SYNPR: variants seen among roughly 807,000 people sequenced by gnomAD.
The protein encoded by SYNPR is synaptoporin.
Under a neutral mutation model 32.9 loss-of-function variants are expected in SYNPR, and 23 were observed. The observed-to-expected ratio is 0.70, with a 90% CI of 0.50 to 0.99. SYNPR has a LOEUF of 0.99. Ranked by LOEUF, SYNPR falls within the 50% of genes least tolerant of loss-of-function variation. The pLI is 0.00. For missense variants in SYNPR, 318 were observed against 349.3 expected (o/e 0.91, Z 0.71); for synonymous variants, 146 against 135.9 (o/e 1.07, Z -0.52).
In SYNPR at chr3:63,493,815, C is replaced by CAAAAAAAAAAAAA. The variant is rs3083190; in HGVS notation, c.209+12869_209+12881dup. ...TGGGTAACAGTGCAAGACTCTGTCT[C>CAAAAAAAAAAAAA]AAAAAAAAAAAAAAAAAAAAAATGG... On this transcript the variant is annotated intron_variant, in intron 3 of 5. Transcript: ENST00000478300. 2.7e-5 allele frequency among the ~76,000 whole-genome samples: 2 copies of CAAAAAAAAAAAAA among 75,094 alleles called. 1 individual carries two copies. The highest frequency in any genetic ancestry group is 1.1e-4 in the African/African-American group (2 of 18,176). 49.3% of individuals were successfully genotyped at this position (75,094 alleles called of 152,430 possible).
intron 2 of SYNPR, among the ~76,000 whole-genome samples, chr3:63,344,025 C>A (rs529531991): frequency 6.6e-6 from 1 of 152,214 alleles, no homozygotes; most frequent in East Asian, 1.9e-4. Flanking sequence ...CTCTCAGCCT[C>A]GCTCATATGC....
At chr3:63,337,732 C>T (rs2087313331) in intron 2 of SYNPR, among the ~76,000 whole-genome samples, 3 of 152,104 alleles carry the variant, frequency 2.0e-5, no homozygotes. Context: ...ATCTTAAGTG[C>T]ATGTTACTGA....
chr3:63,357,985 A>C (rs1343779088), intron 2 of SYNPR, among the ~76,000 whole-genome samples: 1 of 152,204 alleles, frequency 6.6e-6, no homozygotes, highest in Non-Finnish European at 1.5e-5. Flanking sequence ...CTTTTCTTGC[A>C]AATAAACAGA....
chr3:63,616,744 T>C lies in SYNPR; in HGVS notation c.*1263T>C, dbSNP rs1700283524. ...ATAGAGAGGGCAAGCTGAGCATCTG[T>C]ATTTCCAGATAAAAGTTGTTATTGA... On this transcript the variant is annotated 3_prime_UTR_variant, in exon 6 of 6. Coordinates refer to ENST00000478300, the MANE Select transcript of SYNPR (RefSeq NM_001130003.2). The C allele has an allele frequency of 6.6e-6, 1 of 152,634 alleles. No individual in the cohort carries two copies. Among genetic ancestry groups the C allele is most frequent in the South Asian group, 2.1e-4 (1 of 4,832 alleles). 9.5% of individuals were successfully genotyped at this position (152,634 alleles called of 1,614,324 possible).
At chr3:63,257,846 T>C (rs570781666) in intron 2 of SYNPR, among the ~76,000 whole-genome samples, 96 of 152,172 alleles carry the variant, frequency 6.3e-4, no homozygotes, top group Middle Eastern at 3.4e-3. Flanking sequence ...GAGACACACA[T>C]AGGCTTAAAA....
At chr3:63,269,379 C>T (rs900178687) in intron 3 of SYNPR, among the ~76,000 whole-genome samples, 1 of 151,948 alleles carries the variant, frequency 6.6e-6, no homozygotes, top group Non-Finnish European at 1.5e-5. Context: ...ATCCCAGCTA[C>T]TTGGGAGGCT....
chr3:63,407,225 C>T (rs1305098943), intron 2 of SYNPR, among the ~76,000 whole-genome samples: 3 of 152,142 alleles, frequency 2.0e-5, no homozygotes, highest in African/African-American at 7.2e-5. Context: ...CAGCATAGAC[C>T]AGGATTGGCT....
At chr3:63,503,200 C>T (rs6763684) in intron 3 of SYNPR, among the ~76,000 whole-genome samples, 31,963 of 151,898 alleles carry the variant, frequency 0.21, 3,710 homozygotes, top group African/African-American at 0.3. Context: ...TCTGATGACA[C>T]GTGATGTGGA....
At chr3:63,445,442 A>C in intron 2 of SYNPR, 1 of 621,012 alleles carries the variant, frequency 1.6e-6, no homozygotes. Context: ...TAACCAGAAA[A>C]TCTGTCATAA....
chr3:63,300,276 T>C (rs1209094490), intron 2 of SYNPR, among the ~76,000 whole-genome samples: 1 of 151,978 alleles, frequency 6.6e-6, no homozygotes, highest in East Asian at 1.9e-4. Context: ...GGGTCCCCTT[T>C]TCAAATACTG....
chr3:63,576,155 C>G (rs1193876842), intron 4 of SYNPR, among the ~76,000 whole-genome samples: 2 of 152,148 alleles, frequency 1.3e-5, no homozygotes. Context: ...CTCCTTGACA[C>G]AAGATCAGCA....
chr3:63,378,244 C>T (rs2087919246), intron 2 of SYNPR, among the ~76,000 whole-genome samples: 1 of 151,970 alleles, frequency 6.6e-6, no homozygotes, highest in East Asian at 1.9e-4. Flanking sequence ...ATTTCCTTCA[C>T]ATTTTCTCTC....
chr3:63,392,211 A>G (rs920572410), intron 2 of SYNPR, among the ~76,000 whole-genome samples: 4 of 152,210 alleles, frequency 2.6e-5, no homozygotes, highest in African/African-American at 9.7e-5. Flanking sequence ...TAGTATACTC[A>G]AAGTGGAATA....
At chr3:63,280,159 G>A (rs2086614835) in intron 2 of SYNPR, among the ~76,000 whole-genome samples, 1 of 152,098 alleles carries the variant, frequency 6.6e-6, no homozygotes, top group East Asian at 1.9e-4. Flanking sequence ...ATCTCTTATT[G>A]TCTCACACGC....
At chr3:63,418,778 C>A (rs2088573522) in intron 2 of SYNPR, among the ~76,000 whole-genome samples, 1 of 152,240 alleles carries the variant, frequency 6.6e-6, no homozygotes, top group Admixed American at 6.5e-5. Context: ...TCCCATGATT[C>A]AATTACCCCC....
At chr3:63,263,831 G>T (rs2086459401) in intron 2 of SYNPR, among the ~76,000 whole-genome samples, 1 of 152,202 alleles carries the variant, frequency 6.6e-6, no homozygotes, top group African/African-American at 2.4e-5. Flanking sequence ...AACTGCCCAA[G>T]ATATGCCATT....
the SYNPR span, among the ~76,000 whole-genome samples, chr3:63,211,808 A>G: frequency 7.7e-6 from 1 of 129,374 alleles, no homozygotes; most frequent in African/African-American, 3.0e-5. Flanking sequence ...CGCTGCACCC[A>G]CTAACGCATC....
chr3:63,580,587 T>C (rs890061679), intron 4 of SYNPR, among the ~76,000 whole-genome samples: 1 of 152,124 alleles, frequency 6.6e-6, no homozygotes. Context: ...AGTGCCAAGC[T>C]AGTCAGATAC....
intron 2 of SYNPR, among the ~76,000 whole-genome samples, chr3:63,415,920 T>C (rs1048205883): frequency 9.2e-5 from 14 of 152,224 alleles, no homozygotes; most frequent in African/African-American, 3.1e-4. Flanking sequence ...AATGAAGTTG[T>C]GTGGTTTTAA....
Sources: gnomAD v4.1 joint callset for allele counts (sites outside exome capture counted in the v4.1 genomes callset) on GRCh38, gnomAD v4.1.1 for gene constraint, MANE v1.5 for transcripts, NCBI Gene and HGNC (gene_info 2026-07-23, HGNC 2026-07-21) for gene names.